COQ4: variants seen among roughly 807,000 people sequenced by gnomAD.
COQ4 encodes the protein coenzyme Q4.
In COQ4, 36 loss-of-function variants were observed where a neutral mutation model predicts 30.2. That is an observed-to-expected ratio of 1.19 (90% confidence interval 0.91 to 1.57). The LOEUF (loss-of-function observed/expected upper bound fraction) is 1.57. Among genes scored for constraint, COQ4 ranks in the 40% most tolerant of loss-of-function variants. The pLI, the probability that COQ4 is intolerant of heterozygous loss-of-function variation, is 0.00. For synonymous variants in COQ4, 197 were observed against 161.0 expected (o/e 1.22, Z -1.69); for missense variants, 369 against 371.9 (o/e 0.99, Z 0.07).
chr9:128,327,203 G>A (rs1184937326), intron 4 of COQ4, among the ~76,000 whole-genome samples: 1 of 152,080 alleles, frequency 6.6e-6, no homozygotes, highest in Non-Finnish European at 1.5e-5. Flanking sequence ...CCAGCACTTT[G>A]GGAGGCTGGC....
At position 128,325,818 on chromosome 9, in the gene COQ4, C is replaced by T. The variant is rs748977925; in HGVS notation, c.339C>T (p.Gly113=). The change falls in exon 4 of 7, where the codon GGC becomes GGT. Residue 113 remains glycine (G), a synonymous_variant. Coordinates refer to ENST00000300452, the MANE Select transcript of COQ4 (RefSeq NM_016035.5). ...TTTCGACATCCACCCTCGACCTGGG[C>T]AAGCTCCAGAGCCTGCCGGAAGGCT... ...PRISTSTLDL[G]KLQSLPEGSL... The T allele has an allele frequency of 6.2e-7, 1 of 1,614,094 alleles. No individual in the cohort carries two copies. The highest frequency in any genetic ancestry group is 8.5e-7 in the Non-Finnish European group (1 of 1,180,050).
intron 2 of COQ4, 55 bp downstream of exon 2, chr9:128,323,202 G>T: frequency 6.6e-7 from 1 of 1,504,126 alleles, no homozygotes. Context: ...GTTTCCTGTG[G>T]GTAACTGGAA....
intron 2 of COQ4, among the ~76,000 whole-genome samples, chr9:128,323,924 G>A (rs56010678): frequency 6.6e-6 from 1 of 152,088 alleles, no homozygotes; most frequent in Non-Finnish European, 1.5e-5. Flanking sequence ...CAGCCTGGGC[G>A]ACAGAGCGAG....
At chr9:128,323,173 G>C in intron 2 of COQ4, 26 bp downstream of exon 2, 5 of 1,563,684 alleles carry the variant, frequency 3.2e-6, no homozygotes, top group Non-Finnish European at 4.3e-6. Context: ...CCTCGCCCCC[G>C]TGGGGGCGGC....
chr9:128,328,847 C>T (rs946147835), intron 4 of COQ4, among the ~76,000 whole-genome samples: 4 of 152,202 alleles, frequency 2.6e-5, no homozygotes, highest in African/African-American at 7.2e-5. Context: ...TTAGCCCTGT[C>T]GCTGTGGAGG....
In COQ4 at chr9:128,333,506, C is replaced by T. The variant is rs1832448868; in HGVS notation, c.659C>T (p.Pro220Leu). Reference protein sequence around the residue: ...SLQVLVSELIPWAVQNGRRAP... With the variant: ...SLQVLVSELILWAVQNGRRAP... ...CAAGTGCTGGTCTCGGAGTTGATCC[C>T]ATGGGCCGTTCAGAACGGGCGCAGA... The change falls in exon 7 of 7, where the codon CCA becomes CTA. Residue 220 changes from proline (P) to leucine (L), a missense_variant. Transcript: ENST00000300452. 3 of 1,574,064 alleles carry T rather than the reference C, an allele frequency of 1.9e-6. No individual in the cohort carries two copies. In the East Asian group the frequency reaches 6.9e-5, roughly 36 times the overall value.
chr9:128,328,452 T>C (rs918035243), intron 4 of COQ4, among the ~76,000 whole-genome samples: 2 of 152,204 alleles, frequency 1.3e-5, no homozygotes, highest in Admixed American at 6.5e-5. Flanking sequence ...GCCGGGCATG[T>C]TAATGTTTAG....
At chr9:128,325,501 A>G (rs1165877776) in intron 3 of COQ4, among the ~76,000 whole-genome samples, 1 of 152,162 alleles carries the variant, frequency 6.6e-6, no homozygotes, top group Non-Finnish European at 1.5e-5. Context: ...TTCCCATAAC[A>G]TGTGCTGGCT....
Position 128,322,853 on chromosome 9 carries a change from G to A in COQ4, c.-6G>A. 1.3e-6 allele frequency: 2 copies of A among 1,550,092 alleles called. No individual in the cohort carries two copies. The highest frequency in any genetic ancestry group is 1.7e-6 in the Non-Finnish European group (2 of 1,151,536). On this transcript the variant is annotated 5_prime_UTR_variant, in exon 1 of 7. Transcript: ENST00000300452. Reference sequence around the variant, plus strand: ...ACCCGCCCATCCTCCGCGGACGCCCGCTGCCATGGCGACTCTGCTGCGCCC... The same window carrying A: ...ACCCGCCCATCCTCCGCGGACGCCCACTGCCATGGCGACTCTGCTGCGCCC...
intron 4 of COQ4, 111 bp downstream of exon 4, chr9:128,325,992 T>C (rs1564391038): frequency 6.3e-6 from 6 of 948,482 alleles, no homozygotes; most frequent in Non-Finnish European, 1.0e-5. Context: ...TTGGCAGGAG[T>C]GCTCTTCAGG....
At chr9:128,325,263 G>A (rs762738282) in intron 3 of COQ4, 24 bp downstream of exon 3, 7 of 1,522,380 alleles carry the variant, frequency 4.6e-6, no homozygotes, top group Non-Finnish European at 5.5e-6. Flanking sequence ...CTGCCTGGGG[G>A]TCTGGGGGCA....
chr9:128,325,206 TGAG>T lies in COQ4; in HGVS notation c.271_273del (p.Arg91del), dbSNP rs762561620. On this transcript the variant is annotated inframe_deletion, in exon 3 of 7. Coordinates refer to ENST00000300452, the MANE Select transcript of COQ4 (RefSeq NM_016035.5). ...ACCCTGAAGGTCCTCAGGGACCAGA[TGAG>T]GAGGGATCCAGAGGGTGCCCAGATC... The T allele has an allele frequency of 5.0e-6, 8 of 1,614,106 alleles. No homozygotes were observed. Among genetic ancestry groups the T allele is most frequent in the Non-Finnish European group, 5.9e-6 (7 of 1,179,972 alleles).
rs1352302755 is a variant in COQ4 at position 128,332,279 on chromosome 9, C to T, written c.529C>T (p.Leu177=). ...HTLLGMPTNI[L]GEIVVKWFEA... ...CCTGCTGGGGATGCCCACCAACATC[C>T]TGGGTGAGTGCCCCCAACCCTGATG... The change falls in exon 5 of 7, where the codon CTG becomes TTG. Residue 177 remains leucine (L), a synonymous_variant. Transcript: ENST00000300452. The T allele has an allele frequency of 1.2e-6, 2 of 1,612,340 alleles. No homozygotes were observed. The highest frequency in any genetic ancestry group is 2.7e-5 in the African/African-American group (2 of 74,866).
Position 128,332,832 on chromosome 9 carries a change from C to G in COQ4, c.533-18C>G. 1 of 1,598,436 alleles carries G rather than the reference C, an allele frequency of 6.3e-7. No individual in the cohort carries two copies. Among genetic ancestry groups the G allele is most frequent in the Non-Finnish European group, 8.6e-7 (1 of 1,165,766 alleles). The stretch of plus-strand genomic sequence containing the variant: ...TTCAGATAGCTTGTTCACCTCCCAA[C>G]ACATCCCTCACCCACAGGGGAGATC... On this transcript the variant is annotated intron_variant, in intron 5 of 6. Coordinates refer to ENST00000300452, the MANE Select transcript of COQ4 (RefSeq NM_016035.5).
rs1404798921 is a variant in COQ4 at position 128,323,146 on chromosome 9, C to T, written c.201C>T (p.His67=). 2 of 1,585,934 alleles carry T rather than the reference C, an allele frequency of 1.3e-6. No individual in the cohort carries two copies. The highest frequency in any genetic ancestry group is 1.7e-6 in the Non-Finnish European group (2 of 1,169,824). Residue 67 remains histidine (H), a splice_region_variant and synonymous_variant, in exon 2 of 7, where the codon CAC becomes CAT. Transcript: ENST00000300452. ...AAMALYNPYR[H]DMVAVLGETT... ...TGGCGCTCTATAACCCCTACCGCCA[C>T]GGTAAGGCCGCCCGCGCCTCGCCCC...
chr9:128,332,104 G>T (rs1452092424), intron 4 of COQ4, 49 bp from the exon 5 acceptor site: 1 of 1,538,550 alleles, frequency 6.5e-7, no homozygotes, highest in Admixed American at 2.0e-5. Context: ...GGCAAATCGG[G>T]CCCTGGGAAC....
chr9:128,327,583 T>G (rs1832343223), intron 4 of COQ4, among the ~76,000 whole-genome samples: 2 of 152,198 alleles, frequency 1.3e-5, no homozygotes, highest in African/African-American at 4.8e-5. Context: ...GCGGATCACT[T>G]GAGCCCAGGA....
intron 4 of COQ4, chr9:128,331,728 G>T (rs181762135): frequency 0.041 from 6,274 of 151,916 alleles, 151 homozygotes; most frequent in Middle Eastern, 0.074. Context: ...TATTTTTTTT[G>T]TTCTGGGTTT....
At chr9:128,328,778 C>A (rs1374912414) in intron 4 of COQ4, among the ~76,000 whole-genome samples, 1 of 152,208 alleles carries the variant, frequency 6.6e-6, no homozygotes, top group East Asian at 1.9e-4. Context: ...GGGAAACTCA[C>A]CAGGGTGACC....
Sources: gnomAD v4.1 joint callset for allele counts (sites outside exome capture counted in the v4.1 genomes callset) on GRCh38, gnomAD v4.1.1 for gene constraint, MANE v1.5 for transcripts, NCBI Gene and HGNC (gene_info 2026-07-23, HGNC 2026-07-21) for gene names.